The following CACNA2D3 variants were observed in gnomAD, a reference collection of about 807,000 sequenced individuals.
CACNA2D3 encodes calcium voltage-gated channel auxiliary subunit alpha2delta 3.
In CACNA2D3, 60 loss-of-function variants were observed where a neutral mutation model predicts 160.6. That is an observed-to-expected ratio of 0.37 (90% CI 0.30 to 0.46). CACNA2D3 has a LOEUF of 0.46. Ranked by LOEUF, CACNA2D3 falls within the 20% of genes least tolerant of loss-of-function variation. The pLI is 1.00. For synonymous variants in CACNA2D3, 558 were observed against 492.9 expected (o/e 1.13, Z -1.75); for missense variants, 1,205 against 1,365.0 (o/e 0.88, Z 1.85).
chr3:54,502,911 G>A (rs1316574029), intron 4 of CACNA2D3, among the ~76,000 whole-genome samples: 1 of 152,148 alleles, frequency 6.6e-6, no homozygotes, highest in Admixed American at 6.6e-5. Context: ...CCATCTGAGG[G>A]CTTTTCCCTT....
At chr3:54,863,600 T>C (rs1286710670) in intron 17 of CACNA2D3, among the ~76,000 whole-genome samples, 9 of 152,106 alleles carry the variant, frequency 5.9e-5, no homozygotes, top group African/African-American at 9.7e-5. Context: ...AAAACGGTGG[T>C]GGGCTAAGCC....
intron 2 of CACNA2D3, among the ~76,000 whole-genome samples, chr3:54,293,867 G>T (rs1211045095): frequency 6.6e-6 from 1 of 152,176 alleles, no homozygotes; most frequent in African/African-American, 2.4e-5. Flanking sequence ...CATCTTGATT[G>T]TGGTGGTGGT....
intron 4 of CACNA2D3, among the ~76,000 whole-genome samples, chr3:54,450,845 C>A (rs539551744): frequency 1.3e-5 from 2 of 152,114 alleles, no homozygotes; most frequent in African/African-American, 4.8e-5. Context: ...CTCATTTATT[C>A]AGGTGTCAGG....
intron 2 of CACNA2D3, among the ~76,000 whole-genome samples, chr3:54,290,004 A>T (rs1191336407): frequency 2.6e-5 from 4 of 151,342 alleles, no homozygotes; most frequent in East Asian, 1.9e-4. Context: ...ATGGGCAAGG[A>T]CTTCATGTCT....
At chr3:54,283,984 C>T (rs1383556875) in intron 2 of CACNA2D3, among the ~76,000 whole-genome samples, 3 of 152,128 alleles carry the variant, frequency 2.0e-5, no homozygotes, top group Admixed American at 6.6e-5. Flanking sequence ...ATTGCTTGAA[C>T]ACAGGAGAAG....
At chr3:54,138,767 G>C (rs1699866520) in intron 2 of CACNA2D3, among the ~76,000 whole-genome samples, 1 of 152,222 alleles carries the variant, frequency 6.6e-6, no homozygotes, top group South Asian at 2.1e-4. Flanking sequence ...CACGAAGCTA[G>C]TGATGGAAGA....
chr3:54,865,715 G>T (rs1234112133), intron 17 of CACNA2D3, among the ~76,000 whole-genome samples: 1 of 152,200 alleles, frequency 6.6e-6, no homozygotes, highest in Non-Finnish European at 1.5e-5. Context: ...TTCCTCCCTA[G>T]GGGTGAGCTG....
intron 35 of CACNA2D3, among the ~76,000 whole-genome samples, chr3:55,062,952 C>T (rs1056681354): frequency 1.3e-5 from 2 of 152,162 alleles, no homozygotes; most frequent in Admixed American, 6.5e-5. Context: ...TGTAGCAGTA[C>T]AAGGATGGCA....
Position 54,627,412 on chromosome 3 carries a change from G to C in CACNA2D3, c.964-375G>C, listed in dbSNP as rs1699145302. 2.6e-5 allele frequency among the ~76,000 whole-genome samples: 4 copies of C among 152,190 alleles called. No individual in the cohort carries two copies. The South Asian group carries it at 8.3e-4, about 32-fold the overall frequency. ...AGGAGAGCCAGGGAATGGATTGAGA[G>C]TGGGTTCCCAGTGGAGGGGTGCATA... On this transcript the variant is annotated intron_variant, in intron 9 of 37. Coordinates refer to ENST00000474759, the MANE Select transcript of CACNA2D3 (RefSeq NM_018398.3).
intron 24 of CACNA2D3, among the ~76,000 whole-genome samples, chr3:54,888,724 G>C (rs1387269365): frequency 6.8e-6 from 1 of 146,566 alleles, no homozygotes; most frequent in Non-Finnish European, 1.5e-5. Flanking sequence ...CTTCTATCCT[G>C]TTTCTCTCCA....
At chr3:54,623,906 G>A (rs1326296786) in intron 9 of CACNA2D3, among the ~76,000 whole-genome samples, 2 of 152,174 alleles carry the variant, frequency 1.3e-5, no homozygotes, top group African/African-American at 4.8e-5. Context: ...CACATCATGG[G>A]AGGTAGTTCC....
chr3:54,817,513 C>T (rs888350810), intron 14 of CACNA2D3, among the ~76,000 whole-genome samples: 2 of 152,160 alleles, frequency 1.3e-5, no homozygotes, highest in Non-Finnish European at 2.9e-5. Context: ...TCGTTGTATC[C>T]TAAGGACATT....
At chr3:54,723,718 T>C (rs958742683) in intron 11 of CACNA2D3, among the ~76,000 whole-genome samples, 1 of 152,174 alleles carries the variant, frequency 6.6e-6, no homozygotes, top group Non-Finnish European at 1.5e-5. Flanking sequence ...CTGCACCCAC[T>C]GTCCAACCAT....
chr3:54,722,746 G>T (rs1479386284), intron 11 of CACNA2D3, among the ~76,000 whole-genome samples: 1 of 152,184 alleles, frequency 6.6e-6, no homozygotes, highest in South Asian at 2.1e-4. Context: ...AAAGATTGCT[G>T]CCTGGTCTTT....
intron 27 of CACNA2D3, among the ~76,000 whole-genome samples, chr3:54,933,051 C>CCCTTCCTTCCTT (rs60554563): frequency 4.2e-4 from 59 of 139,540 alleles, no homozygotes; most frequent in East Asian, 2.8e-3. Context: ...ATCCATCCCT[C>CCCTTCCTTCCTT]CCTTCCTTCC....
chr3:54,909,730 C>T (rs1175166802), intron 27 of CACNA2D3, among the ~76,000 whole-genome samples: 2 of 150,708 alleles, frequency 1.3e-5, no homozygotes, highest in South Asian at 4.2e-4. Context: ...CCCTGGGGCC[C>T]TGCAACATTT....
intron 4 of CACNA2D3, among the ~76,000 whole-genome samples, chr3:54,391,511 T>C (rs1265449569): frequency 3.3e-5 from 5 of 149,654 alleles, no homozygotes; most frequent in African/African-American, 1.2e-4. Context: ...TTTCTTTCTT[T>C]CTTTCTTTTT....
chr3:54,269,556 T>A (rs1702579613), intron 2 of CACNA2D3, among the ~76,000 whole-genome samples: 1 of 152,174 alleles, frequency 6.6e-6, no homozygotes, highest in Non-Finnish European at 1.5e-5. Context: ...CACACATGAT[T>A]GGTGTGCTGT....
intron 4 of CACNA2D3, among the ~76,000 whole-genome samples, chr3:54,410,741 C>G (rs557884559): frequency 6.6e-6 from 1 of 152,182 alleles, no homozygotes; most frequent in Non-Finnish European, 1.5e-5. Context: ...TGCCTGCTAA[C>G]GCAACATCCG....
Sources: gnomAD v4.1 joint callset for allele counts (sites outside exome capture counted in the v4.1 genomes callset) on GRCh38, gnomAD v4.1.1 for gene constraint, MANE v1.5 for transcripts, NCBI Gene and HGNC (gene_info 2026-07-23, HGNC 2026-07-21) for gene names.